PKD1: variants seen among roughly 807,000 people sequenced by gnomAD.
PKD1 encodes polycystin-1.
PKD1 carries 81 observed loss-of-function variants against 361.7 expected under a neutral mutation model. The observed-to-expected ratio is 0.22, with a 90% CI of 0.19 to 0.27. The LOEUF is 0.27. PKD1 is among the 10% of genes least tolerant of loss of function. PKD1 has a pLI of 1.00. For synonymous variants in PKD1, 3,615 were observed against 2,818.3 expected, an observed-to-expected ratio of 1.28 and a Z score of -8.95; for missense variants, 6,399 against 6,118.3, an observed-to-expected ratio of 1.05 and a Z score of -1.53.
chr16:2,089,826 G>T lies in PKD1; in HGVS notation c.12813C>A (p.Pro4271=), dbSNP rs749259925. ...GPSPGLRPAL[P]SRLARASRGV... ...CCCGACTGGCCCGGGCAAGGCGGCT[G>T]GGCAGTGCTGGCCGCAGGCCCGGGG... The change falls in exon 46 of 46, where the codon CCC becomes CCA. Residue 4271 remains proline (P), a synonymous_variant. Transcript: ENST00000262304. The T allele has an allele frequency of 2.5e-6, 4 of 1,603,484 alleles. No individual in the cohort carries two copies. The highest frequency in any genetic ancestry group is 3.4e-6 in the Non-Finnish European group (4 of 1,175,796).
chr16:2,126,048 G>A (rs1490181755), intron 1 of PKD1, among the ~76,000 whole-genome samples: 4 of 152,118 alleles, frequency 2.6e-5, no homozygotes, highest in Non-Finnish European at 4.4e-5. Context: ...CCGGCTGTGC[G>A]GGCACAGCAG....
At chr16:2,120,314 T>A (rs1303345663) in intron 1 of PKD1, 2 of 158,654 alleles carry the variant, frequency 1.3e-5, no homozygotes, top group Non-Finnish European at 2.8e-5. Flanking sequence ...ATAAATAAAA[T>A]TAGAAAACAA....
In PKD1 at chr16:2,108,729, G is replaced by A. The variant is rs2092424728; in HGVS notation, c.6438C>T (p.Cys2146=). The A allele has an allele frequency of 3.2e-6, 5 of 1,571,694 alleles. No homozygotes were observed. The highest frequency in any genetic ancestry group is 4.3e-6 in the Non-Finnish European group (5 of 1,159,632). Residue 2146 remains cysteine (C), a synonymous_variant, in exon 15 of 46, where the codon TGC becomes TGT. Coordinates refer to ENST00000262304, the MANE Select transcript of PKD1 (RefSeq NM_001009944.3). ...QATVTVQVLA[C]REPEVDVVLP... The stretch of plus-strand genomic sequence containing the variant: ...GGACCACGTCCACCTCCGGCTCCCG[G>A]CAGGCCAGCACCTGGACGGTCACCG...
At chr16:2,101,276 G>A (rs1472434172) in intron 26 of PKD1, among the ~76,000 whole-genome samples, 3 of 152,078 alleles carry the variant, frequency 2.0e-5, no homozygotes, top group Non-Finnish European at 4.4e-5. Context: ...GAGCCACCGC[G>A]CCCGGCCGAC....
In PKD1 at chr16:2,112,889, C is replaced by T; in HGVS notation, c.3060G>A (p.Gln1020=). The stretch of plus-strand genomic sequence containing the variant: ...CCGGCACTGTGGAGACCTGCAGACC[C>T]TGCATCCTGTTCATCCGCTCCACGG... ...NVTVERMNRM[Q]GLQVSTVPAV... is the part of the protein sequence containing the mutation. The change falls in exon 13 of 46, where the codon CAG becomes CAA. Residue 1020 remains glutamine, a synonymous_variant. Coordinates refer to ENST00000262304, the MANE Select transcript of PKD1 (RefSeq NM_001009944.3). The T allele has an allele frequency of 6.2e-7, 1 of 1,607,198 alleles. No homozygotes were observed. Among genetic ancestry groups the T allele is most frequent in the Non-Finnish European group, 8.5e-7 (1 of 1,179,740 alleles).
rs759543173 is a variant in PKD1, at chr16:2,108,311, G to C, written c.6856C>G (p.Leu2286Val). Reference protein sequence around the residue: ...LDGSESYDPNLEDGDQTPLSF... With the variant: ...LDGSESYDPNVEDGDQTPLSF... ...AGCGGCGTCTGGTCGCCGTCCTCCA[G>C]GTTGGGGTCGTAGGACTCGCTCCCA... The change falls in exon 15 of 46, where the codon CTG (leucine) becomes GTG (valine). Residue 2286 changes from leucine (L) to valine (V), a missense_variant. Physicochemically the swap from Leu to Val is conservative, Grantham distance 32 (BLOSUM62 1). Transcript: ENST00000262304. 1.9e-6 allele frequency: 3 copies of C among 1,603,284 alleles called. No individual in the cohort carries two copies. Among genetic ancestry groups the C allele is most frequent in the Non-Finnish European group, 2.6e-6 (3 of 1,173,894 alleles).
intron 30 of PKD1, chr16:2,098,962 C>G (rs1317432996): frequency 6.2e-6 from 1 of 161,784 alleles, no homozygotes. Flanking sequence ...TCTCGAGTAG[C>G]TGGGACTACA....
At position 2,116,591 on chromosome 16, in the gene PKD1, G is replaced by T; in HGVS notation, c.1660C>A (p.Gln554Lys). Residue 554 changes from glutamine to lysine, a missense_variant, in exon 8 of 46, where the codon CAG becomes AAG. Transcript: ENST00000262304. ...LLVGAPSGDL[Q>K]GPLTPLAQQD... ...TGTGCCAGAGGCGTCAGGGGTCCCT[G>T]CAGGTCCCCACTGGGCGCTCCCACG... The T allele has an allele frequency of 6.4e-7, 1 of 1,568,404 alleles. No homozygotes were observed. The highest frequency in any genetic ancestry group is 8.6e-7 in the Non-Finnish European group (1 of 1,161,180).
At chr16:2,104,200 T>TAAGGGAGGGGAAGGGGGA (rs2092232600) in intron 22 of PKD1, among the ~76,000 whole-genome samples, 4 of 10,578 alleles carry the variant, frequency 3.8e-4, no homozygotes, top group African/African-American at 1.7e-3. Flanking sequence ...GGAAGGGGGA[T>TAAGGGAGGGGAAGGGGGA]AAGGGAGGGG....
intron 37 of PKD1, 141 bp from the exon 38 acceptor site, chr16:2,093,234 G>C: frequency 1.0e-6 from 1 of 1,004,824 alleles, no homozygotes; most frequent in Non-Finnish European, 1.5e-6. Context: ...GACTCTACCT[G>C]GCCAGGGTAA....
rs766636290 is a variant in PKD1 at position 2,109,026 on chromosome 16, G to A, written c.6141C>T (p.Gly2047=). The A allele has an allele frequency of 8.1e-6, 13 of 1,609,134 alleles. No individual in the cohort carries two copies. The highest frequency in any genetic ancestry group is 2.2e-5 in the East Asian group (1 of 44,804). The change falls in exon 15 of 46, where the codon GGC becomes GGT. Residue 2047 remains glycine, a synonymous_variant. Coordinates refer to ENST00000262304, the MANE Select transcript of PKD1 (RefSeq NM_001009944.3). The stretch of plus-strand genomic sequence containing the variant: ...CCAGCACCAGCGTGCGGTTCTCACT[G>A]CCCAGGGCGTTGAAGGCGCGCACCT... ...EIQVRAFNAL[G]SENRTLVLEV...
At position 2,100,943 on chromosome 16, in the gene PKD1, C is replaced by A. The variant is rs2092070833; in HGVS notation, c.9398-377G>T. On this transcript the variant is annotated intron_variant, in intron 26 of 45. Transcript: ENST00000262304. This position sits in a 1 kb window ranked among gnomAD's most constrained non-coding sequence, Gnocchi z 4.4. ...CATGCACAGACTGCAAAGCGTGAAG[C>A]TGTGTCACCTCCTCTCCCAGTGACA... Among the ~76,000 whole-genome samples, 2 of 152,172 alleles carry A rather than the reference C, an allele frequency of 1.3e-5. No individual in the cohort carries two copies. Among genetic ancestry groups the A allele is most frequent in the South Asian group, 4.1e-4 (2 of 4,826 alleles).
chr16:2,089,261 T>G lies in PKD1; in HGVS notation c.*466A>C. 1 of 190,444 alleles carries G rather than the reference T, an allele frequency of 5.3e-6. No individual in the cohort carries two copies. The highest frequency in any genetic ancestry group is 1.1e-5 in the Non-Finnish European group (1 of 92,194). The allele number at this position is 190,444 out of a possible 1,614,324, so 11.8% of individuals were successfully genotyped here. Reference sequence around the variant, plus strand: ...ATAGTGACATACAAAAATATACACATTTTAACACCATATAAATTACTGACA... The same window carrying G: ...ATAGTGACATACAAAAATATACACAGTTTAACACCATATAAATTACTGACA... On this transcript the variant is annotated 3_prime_UTR_variant, in exon 46 of 46. Coordinates refer to ENST00000262304, the MANE Select transcript of PKD1 (RefSeq NM_001009944.3).
chr16:2,097,835 A>C, intron 31 of PKD1, 33 bp downstream of exon 31: 1 of 1,608,074 alleles, frequency 6.2e-7, no homozygotes, highest in Non-Finnish European at 8.5e-7. Context: ...CAGGACCCCC[A>C]GCCCAGCCCA....
intron 8 of PKD1, 187 bp from the exon 9 acceptor site, chr16:2,116,305 G>C (rs1423746313): frequency 7.1e-6 from 5 of 700,418 alleles, no homozygotes; most frequent in Non-Finnish European, 7.5e-6. Flanking sequence ...CAGGACCCCT[G>C]ACCTGCCTTT....
In PKD1 at chr16:2,093,694, C is replaced by A; in HGVS notation, c.10866G>T (p.Leu3622=). Residue 3622 remains leucine (L), a synonymous_variant, in exon 37 of 46, where the codon CTG becomes CTT. Coordinates refer to ENST00000262304, the MANE Select transcript of PKD1 (RefSeq NM_001009944.3). ...CCAGGGTGTCATCTTCATCCGGGTG[C>A]AGCCGCTTGGCCACCAGTGAGAAGT... ...ALYFSLVAKR[L]HPDEDDTLVE... is the part of the protein sequence containing the mutation. The A allele has an allele frequency of 6.2e-7, 1 of 1,600,528 alleles. No homozygotes were observed.
At chr16:2,123,452 G>A (rs752455873) in intron 1 of PKD1, 10 of 456,336 alleles carry the variant, frequency 2.2e-5, no homozygotes, top group Admixed American at 4.7e-5. Context: ...AGGGGTCCCC[G>A]TGGAGTCCTC....
At position 2,111,648 on chromosome 16, in the gene PKD1, G is replaced by C. The variant is rs745353218; in HGVS notation, c.3519C>G (p.Ser1173Arg). The C allele has an allele frequency of 3.2e-6, 5 of 1,573,974 alleles. No individual in the cohort carries two copies. Among genetic ancestry groups the C allele is most frequent in the Middle Eastern group, 2.3e-4 (1 of 4,388 alleles). Residue 1173 changes from serine (S) to arginine (R), a missense_variant, in exon 15 of 46, where the codon AGC becomes AGG. By Grantham distance (110) the Ser-to-Arg change is moderately radical. Coordinates refer to ENST00000262304, the MANE Select transcript of PKD1 (RefSeq NM_001009944.3). ...FGDGSPVLTQ[S>R]QPAANHTYAS... is the part of the protein sequence containing the mutation. ...CATAGGTGTGGTTGGCAGCCGGCTGGCTCTGGGTCAGGACAGGGGAGCCGT... is the reference window on the plus strand; with the variant it reads ...CATAGGTGTGGTTGGCAGCCGGCTGCCTCTGGGTCAGGACAGGGGAGCCGT...
At chr16:2,107,500 T>C (rs1476218287) in intron 16 of PKD1, 8 of 384,916 alleles carry the variant, frequency 2.1e-5, no homozygotes, top group Non-Finnish European at 3.5e-5. Flanking sequence ...CACCACGGGC[T>C]CAGGGTCACC....
Sources: allele counts gnomAD v4.1 joint callset (sites outside exome capture counted in the v4.1 genomes callset), GRCh38; gene constraint gnomAD v4.1.1; non-coding constraint Gnocchi (gnomAD v3.1); transcripts MANE v1.5; gene names NCBI Gene and HGNC (gene_info 2026-07-23, HGNC 2026-07-21).